Variants in PCNX2 observed in about 807,000 individuals in gnomAD.
PCNX2 encodes pecanex-like protein 2.
In PCNX2, 168 loss-of-function variants were observed where a neutral mutation model predicts 223.8. The observed-to-expected ratio is 0.75, with a 90% CI of 0.66 to 0.85. The LOEUF (loss-of-function observed/expected upper bound fraction) is 0.85. Ranked by LOEUF, PCNX2 falls within the 40% of genes least tolerant of loss-of-function variation. The probability of loss-of-function intolerance (pLI) is 0.00; values close to 1 mark genes in which losing one functional copy is unlikely to be tolerated. For synonymous variants in PCNX2, 1,006 were observed against 1,052.6 expected (o/e 0.96, Z 0.86); for missense variants, 2,507 against 2,675.5 (o/e 0.94, Z 1.39).
chr1:233,022,606 G>A (rs571305879), intron 26 of PCNX2, among the ~76,000 whole-genome samples: 1 of 124,148 alleles, frequency 8.1e-6, no homozygotes. Flanking sequence ...GTGAGAGATG[G>A]GGGGGGAGTG....
chr1:233,326,039 G>A, the PCNX2 span, among the ~76,000 whole-genome samples: 1 of 152,198 alleles, frequency 6.6e-6, no homozygotes, highest in South Asian at 2.1e-4. Context: ...ATAGAGGCAA[G>A]ACCTCTGCCA....
chr1:233,046,696 G>A (rs1671833874), intron 25 of PCNX2, among the ~76,000 whole-genome samples: 1 of 152,196 alleles, frequency 6.6e-6, no homozygotes, highest in Admixed American at 6.5e-5. Flanking sequence ...ATCCTCCTGG[G>A]CAGTCTAGTC....
intron 15 of PCNX2, among the ~76,000 whole-genome samples, chr1:233,187,126 T>C (rs1680140791): frequency 1.3e-5 from 2 of 152,230 alleles, no homozygotes; most frequent in Admixed American, 6.5e-5. Flanking sequence ...ACAGCTCCCA[T>C]GCATTCGGCA....
chr1:233,284,777 C>T (rs896305488), intron 1 of PCNX2, among the ~76,000 whole-genome samples: 1 of 152,086 alleles, frequency 6.6e-6, no homozygotes, highest in Non-Finnish European at 1.5e-5. Flanking sequence ...GTGAGGTGTG[C>T]TCATGCAACA....
At chr1:233,072,565 C>A (rs1672903272) in intron 23 of PCNX2, among the ~76,000 whole-genome samples, 1 of 152,116 alleles carries the variant, frequency 6.6e-6, no homozygotes. Context: ...AGATTGAGGA[C>A]ATTCTTTTAT....
chr1:233,203,587 C>T (rs554992811), intron 13 of PCNX2, among the ~76,000 whole-genome samples: 5 of 152,258 alleles, frequency 3.3e-5, no homozygotes, highest in Admixed American at 2.0e-4. Context: ...TCTGATGTTT[C>T]CTTCTTCCTT....
At chr1:233,272,214 A>G (rs939346932) in intron 1 of PCNX2, among the ~76,000 whole-genome samples, 2 of 152,112 alleles carry the variant, frequency 1.3e-5, no homozygotes, top group African/African-American at 4.8e-5. Flanking sequence ...CAACCCACAG[A>G]ATCGGAGAAA....
chr1:233,250,606 A>G, intron 8 of PCNX2, 133 bp downstream of exon 8: 1 of 1,326,992 alleles, frequency 7.5e-7, no homozygotes, highest in South Asian at 2.4e-5. Context: ...TTTCTTTCAT[A>G]CAAAACCACA....
At chr1:233,299,694 A>G (rs1322412243), upstream of PCNX2, among the ~76,000 whole-genome samples, 1 of 152,210 alleles carries the variant, frequency 6.6e-6, no homozygotes, top group Non-Finnish European at 1.5e-5. Context: ...AGTCGGGAAT[A>G]TGCAGAAGGG....
At chr1:233,288,804 CTTTTTTTTTT>C in intron 1 of PCNX2, 3 of 432,752 alleles carry the variant, frequency 6.9e-6, no homozygotes, top group Non-Finnish European at 1.2e-5. Flanking sequence ...GAAAGATGCC[CTTTTTTTTTT>C]TTTTTTTTTT....
At chr1:233,124,764 G>A (rs1480959649) in intron 21 of PCNX2, among the ~76,000 whole-genome samples, 3 of 152,226 alleles carry the variant, frequency 2.0e-5, no homozygotes, top group South Asian at 4.1e-4. Flanking sequence ...GCTAGTCTTT[G>A]CATCACACAT....
rs139233487 is a variant in PCNX2 at position 233,083,164 on chromosome 1, C to A, written c.4076+6897G>T. Reference sequence around the variant, plus strand: ...CTTCTACTGAGAACCAATTAGATGACCTCTGGAGCAAGGTGAAGGTGGGGA... The same window carrying A: ...CTTCTACTGAGAACCAATTAGATGAACTCTGGAGCAAGGTGAAGGTGGGGA... On this transcript the variant is annotated intron_variant, in intron 23 of 33. Coordinates refer to ENST00000258229, the MANE Select transcript of PCNX2 (RefSeq NM_014801.4). 5.0e-3 allele frequency among the ~76,000 whole-genome samples: 757 copies of A among 152,258 alleles called. 3 individuals are homozygous for A. The highest frequency in any genetic ancestry group is 0.016 in the African/African-American group (683 of 41,552).
intron 19 of PCNX2, among the ~76,000 whole-genome samples, chr1:233,155,536 A>G (rs531327449): frequency 1.3e-5 from 2 of 152,326 alleles, no homozygotes; most frequent in Non-Finnish European, 2.9e-5. Flanking sequence ...TCTCAATACC[A>G]TACTTATTCC....
At chr1:233,067,549 T>C (rs1672672257) in intron 23 of PCNX2, among the ~76,000 whole-genome samples, 1 of 151,858 alleles carries the variant, frequency 6.6e-6, no homozygotes. Flanking sequence ...TCTCAGCTCA[T>C]TGCAACCTTC....
intron 21 of PCNX2, among the ~76,000 whole-genome samples, chr1:233,097,929 C>G (rs1674272873): frequency 6.6e-6 from 1 of 152,150 alleles, no homozygotes; most frequent in Non-Finnish European, 1.5e-5. Context: ...CCAACCAGGG[C>G]AAAAGTCTTG....
At chr1:233,169,105 T>C (rs1678979407) in intron 17 of PCNX2, among the ~76,000 whole-genome samples, 2 of 152,166 alleles carry the variant, frequency 1.3e-5, no homozygotes, top group Non-Finnish European at 2.9e-5. Context: ...TAAGGGTTGT[T>C]GGTATTAGAA....
At chr1:233,157,358 T>C (rs986492801) in intron 19 of PCNX2, among the ~76,000 whole-genome samples, 3 of 152,128 alleles carry the variant, frequency 2.0e-5, no homozygotes, top group African/African-American at 7.2e-5. Flanking sequence ...CTATGTAAAA[T>C]GGTGGGATAG....
chr1:233,120,601 A>G (rs1340772180), intron 21 of PCNX2, among the ~76,000 whole-genome samples: 1 of 152,214 alleles, frequency 6.6e-6, no homozygotes, highest in Non-Finnish European at 1.5e-5. Flanking sequence ...GTAATGAATT[A>G]TCGATCTCCA....
chr1:233,107,695 T>C (rs1453177068), intron 21 of PCNX2, among the ~76,000 whole-genome samples: 1 of 149,220 alleles, frequency 6.7e-6, no homozygotes, highest in African/African-American at 2.5e-5. Context: ...AAACTTTAAA[T>C]ACATGACTTT....
Sources: gnomAD v4.1 joint callset for allele counts (sites outside exome capture counted in the v4.1 genomes callset) on GRCh38, gnomAD v4.1.1 for gene constraint, MANE v1.5 for transcripts, NCBI Gene and HGNC (gene_info 2026-07-23, HGNC 2026-07-21) for gene names.